XG: variants seen among roughly 807,000 people sequenced by gnomAD.
XG encodes the protein glycoprotein Xg.
Under a neutral mutation model 25.7 loss-of-function variants are expected in XG, and 24 were observed. That is an observed-to-expected ratio of 0.93 (90% CI 0.68 to 1.31). The LOEUF (loss-of-function observed/expected upper bound fraction) is 1.31. Ranked by LOEUF, XG falls within the 40% of genes most tolerant of loss-of-function variation. The pLI is 0.00. For synonymous variants in XG, 77 were observed against 69.2 expected (o/e 1.11, Z -0.56); for missense variants, 181 against 187.6 (o/e 0.96, Z 0.21).
chrX:2,808,010 C>T (rs1420400980), intron 8 of XG, among the ~76,000 whole-genome samples, 175 bp from the exon 9 acceptor site: 1 of 111,485 alleles, frequency 9.0e-6, no homozygotes, highest in Non-Finnish European at 1.9e-5. Flanking sequence ...CATACACATT[C>T]ACATTCCTCC....
chrX:2,757,647 C>G (rs1285806808), intron 1 of XG, among the ~76,000 whole-genome samples: 4 of 151,764 alleles, frequency 2.6e-5, no homozygotes, highest in Admixed American at 2.0e-4. Flanking sequence ...TTGTCACAGG[C>G]TGTTTAGTTT....
intron 1 of XG, among the ~76,000 whole-genome samples, chrX:2,763,212 C>T (rs1258372683): frequency 6.6e-6 from 1 of 152,100 alleles, no homozygotes. Flanking sequence ...CAGGGCTTCC[C>T]CATGTTGGCC....
chrX:2,769,396 C>T (rs1224449399), intron 1 of XG, among the ~76,000 whole-genome samples: 68 of 152,326 alleles, frequency 4.5e-4, no homozygotes, highest in Non-Finnish European at 8.5e-4. Flanking sequence ...CTGCCTTGCC[C>T]TGAACTTCCC....
intron 1 of XG, among the ~76,000 whole-genome samples, chrX:2,758,982 A>T (rs1449217738): frequency 6.6e-6 from 1 of 151,902 alleles, no homozygotes; most frequent in East Asian, 1.9e-4. Context: ...CTACTTCTCT[A>T]TCCAACTCTC....
In XG at chrX:2,789,703, G is replaced by A. The variant is rs374318565; in HGVS notation, c.250G>A (p.Gly84Arg). The change falls in exon 5 of 11, where the codon GGA becomes AGA. Residue 84 changes from glycine (G) to arginine (R), a missense_variant. Coordinates refer to ENST00000644266, the MANE Select transcript of XG (RefSeq NM_001141919.2). Reference sequence around the variant, plus strand: ...CCAGCCTGGCAATTCCGGCAACAGTGGAGGTAATGAGTATTTATTTATTTA... The same window carrying A: ...CCAGCCTGGCAATTCCGGCAACAGTAGAGGTAATGAGTATTTATTTATTTA... ...QPQPGNSGNS[G>R]GYFNDVDRDD... 143 of 1,084,096 alleles carry A rather than the reference G, an allele frequency of 1.3e-4. No homozygotes were observed. The highest frequency in any genetic ancestry group is 1.7e-4 in the Non-Finnish European group (137 of 820,034). The allele number at this position is 1,084,096 out of a possible 1,213,427, so 89.3% of individuals were successfully genotyped here.
At chrX:2,759,584 G>A (rs1427171061) in intron 1 of XG, among the ~76,000 whole-genome samples, 7 of 152,186 alleles carry the variant, frequency 4.6e-5, no homozygotes, top group Non-Finnish European at 8.8e-5. Flanking sequence ...GTAGGAAGGG[G>A]CTGTGCAGAA....
chrX:2,810,276 C>T (rs1266553553), intron 9 of XG, among the ~76,000 whole-genome samples: 1 of 111,602 alleles, frequency 9.0e-6, no homozygotes, highest in East Asian at 2.8e-4. Context: ...TGATTTCTTC[C>T]TTTTTTCCCT....
chrX:2,775,704 C>G (rs1034251824), intron 3 of XG, among the ~76,000 whole-genome samples: 1 of 151,748 alleles, frequency 6.6e-6, no homozygotes, highest in African/African-American at 2.4e-5. Context: ...ACCTGTAATC[C>G]CAGCGCTTTG....
At chrX:2,766,137 CCT>C (rs918637952) in intron 1 of XG, among the ~76,000 whole-genome samples, 4 of 150,572 alleles carry the variant, frequency 2.7e-5, no homozygotes, top group East Asian at 3.9e-4. Flanking sequence ...TTCTTCTTGG[CCT>C]CTCTCTCTCT....
At chrX:2,812,457 G>C (rs1029501135) in intron 10 of XG, among the ~76,000 whole-genome samples, 1 of 111,369 alleles carries the variant, frequency 9.0e-6, no homozygotes, top group African/African-American at 3.3e-5. Context: ...GTCAGAATCT[G>C]TCTGGAGTTT....
rs1299881766 is a variant in XG at position 2,755,696 on chromosome X, G to A, written c.61+3361G>A. Among the ~76,000 whole-genome samples, 3 of 152,276 alleles carry A rather than the reference G, an allele frequency of 2.0e-5. No homozygotes were observed. The East Asian group carries it at 5.8e-4, about 29-fold the overall frequency. ...TTACAGGAGGGACTGGAAGGAAAGT[G>A]AGGTCTGGATCAGGGCCCTTCTGTG... is the stretch of plus-strand genomic sequence containing the variant. On this transcript the variant is annotated intron_variant, in intron 1 of 10. Coordinates refer to ENST00000644266, the MANE Select transcript of XG (RefSeq NM_001141919.2).
chrX:2,752,529 G>A (rs1242707745), intron 1 of XG, among the ~76,000 whole-genome samples, 194 bp downstream of exon 1: 1 of 152,062 alleles, frequency 6.6e-6, no homozygotes, highest in East Asian at 1.9e-4. Flanking sequence ...TTGGAATCTG[G>A]GAATTAGATC....
chrX:2,766,321 A>G (rs1051172458), intron 1 of XG, among the ~76,000 whole-genome samples: 1 of 151,824 alleles, frequency 6.6e-6, no homozygotes, highest in Non-Finnish European at 1.5e-5. Context: ...TTGTATTTTT[A>G]GTAGAGACGG....
chrX:2,769,004 C>T (rs1195783565), intron 1 of XG, among the ~76,000 whole-genome samples: 1 of 152,178 alleles, frequency 6.6e-6, no homozygotes, highest in African/African-American at 2.4e-5. Flanking sequence ...GGGGCAGCTG[C>T]TGTGTGCACC....
intron 5 of XG, among the ~76,000 whole-genome samples, chrX:2,793,220 T>G: frequency 8.9e-6 from 1 of 112,091 alleles, no homozygotes; most frequent in South Asian, 3.7e-4. Context: ...TCAATCAGCA[T>G]GTTTCCTACC....
intron 1 of XG, among the ~76,000 whole-genome samples, chrX:2,765,283 A>G (rs311135): frequency 0.33 from 49,900 of 150,956 alleles, 10,329 homozygotes; most frequent in African/African-American, 0.59. Flanking sequence ...CCTGGGGGGC[A>G]GAGGTTGCAG....
intron 9 of XG, among the ~76,000 whole-genome samples, chrX:2,809,307 C>T (rs1242228232): frequency 1.8e-5 from 2 of 111,687 alleles, no homozygotes; most frequent in Non-Finnish European, 3.8e-5. Context: ...GGAGTCTGCA[C>T]TTCATAGAAC....
chrX:2,802,492 C>A (rs1297706385), intron 7 of XG, among the ~76,000 whole-genome samples: 1 of 111,490 alleles, frequency 9.0e-6, no homozygotes, highest in East Asian at 2.8e-4. Flanking sequence ...CAGCTTCCCC[C>A]AAAATTTGGA....
chrX:2,815,144 T>A lies in XG; in HGVS notation c.*764T>A, dbSNP rs2147101377. 1 of 111,540 alleles carries A rather than the reference T, an allele frequency of 9.0e-6. No homozygotes were observed. The highest frequency in any genetic ancestry group is 2.8e-4 in the East Asian group (1 of 3,540). 9.2% of individuals were successfully genotyped at this position (111,540 alleles called of 1,213,427 possible). A position where few individuals can be genotyped will look rare whatever the true frequency, so the allele number is the denominator to read the frequency against. ...CAGGCGTTGAGCCTTTTTGTAGTAT[T>A]TTTAGTCTTTGATACTCTGTAAGTG... On this transcript the variant is annotated 3_prime_UTR_variant, in exon 11 of 11. Coordinates refer to ENST00000644266, the MANE Select transcript of XG (RefSeq NM_001141919.2).
Sources: allele counts gnomAD v4.1 joint callset (sites outside exome capture counted in the v4.1 genomes callset), GRCh38; gene constraint gnomAD v4.1.1; transcripts MANE v1.5; gene names NCBI Gene and HGNC (gene_info 2026-07-23, HGNC 2026-07-21).